The following TNN variants were observed in gnomAD, a reference collection of about 807,000 sequenced individuals.
TNN encodes tenascin N.
A neutral mutation model predicts 134.4 loss-of-function variants in TNN; 122 were observed. The ratio of observed to expected loss-of-function variants is 0.91; its 90% confidence interval spans 0.78 to 1.06. The LOEUF is 1.06. TNN is among the 50% of genes least tolerant of loss of function. TNN has a pLI of 0.00. For missense variants in TNN, 1,739 were observed against 1,699.4 expected (o/e 1.02, Z -0.41); for synonymous variants, 710 against 670.3 (o/e 1.06, Z -0.91).
intron 9 of TNN, among the ~76,000 whole-genome samples, chr1:175,108,311 G>A (rs1039763230): frequency 1.3e-5 from 2 of 152,194 alleles, no homozygotes; most frequent in African/African-American, 4.8e-5. Context: ...TAGACACAGG[G>A]TGCTGATTGG....
chr1:175,085,570 T>C, intron 6 of TNN, 76 bp downstream of exon 6: 1 of 1,026,044 alleles, frequency 9.7e-7, no homozygotes. Flanking sequence ...GACTCCTCTC[T>C]GGATAAGAAT....
At chr1:175,128,822 C>T (rs555872522) in intron 15 of TNN, 76 bp downstream of exon 15, 1 of 1,439,264 alleles carries the variant, frequency 6.9e-7, no homozygotes, top group African/African-American at 1.4e-5. Context: ...ATGGATGCTC[C>T]ATAGAGTGTT....
chr1:175,088,137 A>G (rs1474194298), intron 6 of TNN, among the ~76,000 whole-genome samples: 1 of 152,154 alleles, frequency 6.6e-6, no homozygotes, highest in African/African-American at 2.4e-5. Flanking sequence ...ATCATTGGCC[A>G]CTGGTGATTA....
rs779887328 is a variant in TNN at position 175,077,604 on chromosome 1, T to C, written c.186T>C (p.Pro62=). 9.3e-6 allele frequency: 15 copies of C among 1,614,196 alleles called. No homozygotes were observed. The highest frequency in any genetic ancestry group is 1.2e-5 in the Non-Finnish European group (14 of 1,180,024). The change falls in exon 2 of 19, where the codon CCT becomes CCC. Residue 62 remains proline, a synonymous_variant. Transcript: ENST00000239462. ...CCTTGGTTCAGGTTGACGCTGACCC[T>C]CAGCCCCTCAGTGACGATGGGGCTT... The part of the protein sequence containing the change: ...KSALVQVDAD[P]QPLSDDGASL...
At chr1:175,142,905 C>T (rs151245675) in intron 17 of TNN, among the ~76,000 whole-genome samples, 1 of 152,164 alleles carries the variant, frequency 6.6e-6, no homozygotes, top group Non-Finnish European at 1.5e-5. Flanking sequence ...TGTGAGCCAC[C>T]GTGCCTGGCC....
intron 5 of TNN, 75 bp downstream of exon 5, chr1:175,084,010 G>C: frequency 1.3e-5 from 19 of 1,423,122 alleles, no homozygotes; most frequent in East Asian, 2.3e-5. Context: ...GAGGGCACTG[G>C]CATCTGCACT....
chr1:175,083,858 G>A lies in TNN; in HGVS notation c.1157G>A (p.Gly386Asp), dbSNP rs755499955. The A allele has an allele frequency of 5.6e-6, 9 of 1,614,042 alleles. No homozygotes were observed. The highest frequency in any genetic ancestry group is 7.6e-6 in the Non-Finnish European group (9 of 1,180,026). Residue 386 changes from glycine (G) to aspartate (D), a missense_variant, in exon 5 of 19, where the codon GGC becomes GAC. Physicochemically the swap from Gly to Asp is moderately conservative, Grantham distance 94. Transcript: ENST00000239462. ...TEVDYYKLRYGPMTGQEVAEV... is the reference protein window; with the variant it reads ...TEVDYYKLRYDPMTGQEVAEV... ...GTGGACTACTACAAGCTGCGATATG[G>A]CCCCATGACAGGACAGGAGGTAGCT...
Position 175,147,037 on chromosome 1 carries a change from A to G in TNN, c.3866A>G (p.Lys1289Arg). The change falls in exon 19 of 19, where the codon AAG becomes AGG. Residue 1289 changes from lysine to arginine, a missense_variant. Transcript: ENST00000239462. ...YSREPVLGRK[K>R]RTLRGRLRTF is the part of the protein sequence containing the mutation. ...AGGGAGCCTGTCCTGGGCAGAAAGAAGCGGACGCTGAGAGGAAGGCTGCGA... is the reference window on the plus strand; with the variant it reads ...AGGGAGCCTGTCCTGGGCAGAAAGAGGCGGACGCTGAGAGGAAGGCTGCGA... 1 of 1,596,682 alleles carries G rather than the reference A, an allele frequency of 6.3e-7. No individual in the cohort carries two copies. The highest frequency in any genetic ancestry group is 8.5e-7 in the Non-Finnish European group (1 of 1,170,588).
rs191704337 is a variant in TNN, at chr1:175,085,823, G to A, written c.1324+329G>A. Reference sequence around the variant, plus strand: ...CGGGAGGTGGAGGTTGTGGTGAGCCGAGATCGTGCCATTGCACTCCAGCCT... The same window carrying A: ...CGGGAGGTGGAGGTTGTGGTGAGCCAAGATCGTGCCATTGCACTCCAGCCT... On this transcript the variant is annotated intron_variant, in intron 6 of 18. Coordinates refer to ENST00000239462, the MANE Select transcript of TNN (RefSeq NM_022093.2). Among the ~76,000 whole-genome samples the A allele has an allele frequency of 3.9e-3, 546 of 140,664 alleles. 3 individuals are homozygous for A. The highest frequency in any genetic ancestry group is 4.0e-3 in the Middle Eastern group (1 of 252). The allele number at this position is 140,664 out of a possible 152,430, so 92.3% of individuals were successfully genotyped here.
At chr1:175,090,074 A>T (rs905358732) in intron 6 of TNN, among the ~76,000 whole-genome samples, 2 of 152,220 alleles carry the variant, frequency 1.3e-5, no homozygotes, top group African/African-American at 4.8e-5. Context: ...GAGACTTTGT[A>T]AATATTATCT....
chr1:175,096,441 G>A (rs1558355503), intron 7 of TNN, among the ~76,000 whole-genome samples: 1 of 152,298 alleles, frequency 6.6e-6, no homozygotes, highest in East Asian at 1.9e-4. Flanking sequence ...TCCCTAGGGT[G>A]AGTCACTGCA....
In TNN at chr1:175,116,980, G is replaced by A. The variant is rs1482265999; in HGVS notation, c.2161G>A (p.Glu721Lys). The change falls in exon 10 of 19, where the codon GAG (glutamate) becomes AAG (lysine). Residue 721 changes from glutamate (E) to lysine (K), a missense_variant. Physicochemically the swap from Glu to Lys is moderately conservative, Grantham distance 56. Transcript: ENST00000239462. ...PQNLVTDRVT[E>K]NMATVSWDPV... ...AAACCTGGTGACCGACCGGGTGACA[G>A]AGAATATGGCCACTGTCTCCTGGGA... The A allele has an allele frequency of 5.6e-6, 9 of 1,614,224 alleles. No individual in the cohort carries two copies. Among genetic ancestry groups the A allele is most frequent in the Non-Finnish European group, 6.8e-6 (8 of 1,180,034 alleles).
chr1:175,105,120 C>T (rs1674815607), intron 9 of TNN, among the ~76,000 whole-genome samples: 1 of 145,978 alleles, frequency 6.9e-6, no homozygotes, highest in African/African-American at 2.5e-5. Context: ...GCAGCTAAAG[C>T]CGCATTCTTT....
chr1:175,074,170 G>A (rs988688435), intron 1 of TNN, among the ~76,000 whole-genome samples: 2 of 151,924 alleles, frequency 1.3e-5, no homozygotes, highest in South Asian at 2.1e-4. Context: ...CAAACCTCCA[G>A]TGGCACACTG....
Position 175,098,499 on chromosome 1 carries a change from C to T in TNN, c.2023C>T (p.Leu675=). The change falls in exon 9 of 19, where the codon CTG becomes TTG. Residue 675 remains leucine (L), a synonymous_variant. Coordinates refer to ENST00000239462, the MANE Select transcript of TNN (RefSeq NM_022093.2). The stretch of plus-strand genomic sequence containing the variant: ...GGGGAAGGAGCAGAGCAGCACAGTC[C>T]TGACAGGCCTGAGACCGGGTATGGA... The part of the protein sequence containing the change: ...PVGKEQSSTV[L]TGLRPGMEYM... 2.5e-6 allele frequency: 4 copies of T among 1,614,126 alleles called. No individual in the cohort carries two copies. Among genetic ancestry groups the T allele is most frequent in the Non-Finnish European group, 3.4e-6 (4 of 1,180,022 alleles).
chr1:175,071,221 G>A (rs1463026439), intron 1 of TNN, among the ~76,000 whole-genome samples: 1 of 152,198 alleles, frequency 6.6e-6, no homozygotes, highest in Non-Finnish European at 1.5e-5. Flanking sequence ...TGTAACAGTG[G>A]CTAGAAATTG....
rs1304938837 is a variant in TNN, at chr1:175,085,452, G to A, written c.1282G>A (p.Gly428Arg). ...EYKITVVPMR[G>R]ELEGKPILLN... ...TAAGATCACGGTGGTGCCCATGAGA[G>A]GAGAGCTGGAGGGCAAGCCGATCCT... The change falls in exon 6 of 19, where the codon GGA becomes AGA. Residue 428 changes from glycine to arginine, a missense_variant. Transcript: ENST00000239462. 1.2e-6 allele frequency: 2 copies of A among 1,612,960 alleles called. No individual in the cohort carries two copies. Among genetic ancestry groups the A allele is most frequent in the Admixed American group, 1.7e-5 (1 of 59,934 alleles).
chr1:175,128,566 T>A, intron 14 of TNN, 29 bp from the exon 15 acceptor site: 1 of 1,593,392 alleles, frequency 6.3e-7, no homozygotes, highest in African/African-American at 1.3e-5. Context: ...GCCCTTGTCC[T>A]AACAACACTC....
chr1:175,080,549 C>T, intron 4 of TNN, 123 bp downstream of exon 4: 1 of 1,217,716 alleles, frequency 8.2e-7, no homozygotes, highest in Non-Finnish European at 1.2e-6. Flanking sequence ...CTGCCACAAT[C>T]CTAGGTTCTG....
Sources: gnomAD v4.1 joint callset for allele counts (sites outside exome capture counted in the v4.1 genomes callset) on GRCh38, gnomAD v4.1.1 for gene constraint, MANE v1.5 for transcripts, NCBI Gene and HGNC (gene_info 2026-07-23, HGNC 2026-07-21) for gene names.